The following CCDC171 variants were observed in gnomAD, a reference collection of about 807,000 sequenced individuals.
CCDC171 encodes coiled-coil domain-containing protein 171.
Under a neutral mutation model 168.2 loss-of-function variants are expected in CCDC171, and 177 were observed. That is an observed-to-expected ratio of 1.05 (90% CI 0.93 to 1.19). CCDC171 has a LOEUF of 1.19. Among genes scored for constraint, CCDC171 ranks in the 50% most tolerant of loss-of-function variants. The probability of loss-of-function intolerance (pLI) is 0.00; values close to 1 mark genes in which losing one functional copy is unlikely to be tolerated. For missense variants in CCDC171, 1,991 were observed against 1,539.0 expected (o/e 1.29, Z -4.91); for synonymous variants, 687 against 540.8 (o/e 1.27, Z -3.75).
intron 16 of CCDC171, among the ~76,000 whole-genome samples, chr9:15,733,914 T>C (rs757964551): frequency 2.0e-5 from 3 of 152,108 alleles, no homozygotes; most frequent in African/African-American, 4.8e-5. Context: ...ACTGTAGGCA[T>C]GCACTACCAT....
Position 15,869,403 on chromosome 9 carries a change from T to G in CCDC171, c.3469-5129T>G, listed in dbSNP as rs369911678. Among the ~76,000 whole-genome samples the G allele has an allele frequency of 2.6e-5, 4 of 152,060 alleles. No homozygotes were observed. In the South Asian group the frequency reaches 6.2e-4, roughly 24 times the overall value. On this transcript the variant is annotated intron_variant, in intron 23 of 25. Coordinates refer to ENST00000380701, the MANE Select transcript of CCDC171 (RefSeq NM_173550.4). ...TGGGTACATATCAGAGTCTTGGAAC[T>G]GTCTAATTTTTTTTAAATTATTTTT...
chr9:15,556,490 GTGA>G lies in CCDC171; in HGVS notation c.-112+3195_-112+3197del, dbSNP rs1031676428. 5.9e-4 allele frequency among the ~76,000 whole-genome samples: 90 copies of G among 152,270 alleles called. 1 individual carries two copies. The highest frequency in any genetic ancestry group is 1.8e-3 in the Admixed American group (27 of 15,284). The stretch of plus-strand genomic sequence containing the variant: ...TTGATTTGCATTTCTCTGATGGCCA[GTGA>G]TGATGAGTATTTTTTCATGTGTCTG... On this transcript the variant is annotated intron_variant, in intron 1 of 25. Transcript: ENST00000380701.
intron 3 of CCDC171, chr9:16,020,439 C>G (rs939124250): frequency 1.3e-5 from 2 of 152,776 alleles, no homozygotes; most frequent in East Asian, 3.9e-4. Context: ...TTTACAATTT[C>G]ATGAAGAAAT....
At chr9:15,992,246 T>C (rs1490532568) in intron 3 of CCDC171, among the ~76,000 whole-genome samples, 1 of 152,194 alleles carries the variant, frequency 6.6e-6, no homozygotes, top group East Asian at 1.9e-4. Flanking sequence ...CCAAGTGGGC[T>C]TCATCCCTGG....
At chr9:16,042,009 A>G (rs1047772076), upstream of CCDC171, among the ~76,000 whole-genome samples, 1 of 152,206 alleles carries the variant, frequency 6.6e-6, no homozygotes, top group Non-Finnish European at 1.5e-5. Flanking sequence ...TTCAATCTTC[A>G]TTTTAGTTTT....
chr9:16,031,914 G>T (rs911411604), intron 6 of CCDC171, among the ~76,000 whole-genome samples: 3 of 152,204 alleles, frequency 2.0e-5, no homozygotes, highest in Non-Finnish European at 2.9e-5. Flanking sequence ...CCAGAGCAGG[G>T]CAGAGACTGA....
At position 15,743,422 on chromosome 9, in the gene CCDC171, T is replaced by C. The variant is rs138935429; in HGVS notation, c.2050-851T>C. Among the ~76,000 whole-genome samples, 1,005 of 152,254 alleles carry C rather than the reference T, an allele frequency of 6.6e-3. 19 individuals are homozygous for C. Among genetic ancestry groups the C allele is most frequent in the African/African-American group, 0.023 (948 of 41,530 alleles). On this transcript the variant is annotated intron_variant, in intron 16 of 25. Coordinates refer to ENST00000380701, the MANE Select transcript of CCDC171 (RefSeq NM_173550.4). ...CTTGAGCTCAAGCAATCCTCTTGCC[T>C]CAGCCTCCCAAACACTGGGATTACA...
Position 15,972,173 on chromosome 9 carries a change from C to G in CCDC171, c.*337C>G, listed in dbSNP as rs140552101. 8 of 256,254 alleles carry G rather than the reference C, an allele frequency of 3.1e-5. No individual in the cohort carries two copies. Among genetic ancestry groups the G allele is most frequent in the African/African-American group, 1.6e-4 (7 of 43,994 alleles). The allele number at this position is 256,254 out of a possible 1,614,324, so 15.9% of individuals were successfully genotyped here. ...TCTATCAAAGTTGTTTCATACTTGT[C>G]TATTTTAAAGCAGGACTGCAATGCT... On this transcript the variant is annotated 3_prime_UTR_variant, in exon 26 of 26. Transcript: ENST00000380701.
At chr9:15,859,289 A>AGG (rs2061462127) in intron 23 of CCDC171, among the ~76,000 whole-genome samples, 1 of 151,942 alleles carries the variant, frequency 6.6e-6, no homozygotes, top group Non-Finnish European at 1.5e-5. Context: ...TTCAGTTGCT[A>AGG]ATATTTTGTT....
intron 10 of CCDC171, among the ~76,000 whole-genome samples, chr9:15,690,961 T>C (rs1330195686): frequency 6.6e-6 from 1 of 152,192 alleles, no homozygotes; most frequent in African/African-American, 2.4e-5. Flanking sequence ...TGGATAGATA[T>C]TGGCAAATGG....
chr9:15,627,088 T>C (rs2045204247), intron 7 of CCDC171, among the ~76,000 whole-genome samples: 1 of 152,250 alleles, frequency 6.6e-6, no homozygotes, highest in Admixed American at 6.5e-5. Flanking sequence ...TTCTAGATTT[T>C]CTAGTTTATT....
At chr9:15,725,090 A>C (rs1449751445) in intron 14 of CCDC171, 114 bp downstream of exon 14, 2 of 741,708 alleles carry the variant, frequency 2.7e-6, no homozygotes, top group Non-Finnish European at 2.2e-6. Context: ...TGAGCAGAGT[A>C]TTTTGAAATG....
intron 10 of CCDC171, among the ~76,000 whole-genome samples, chr9:15,681,724 C>A (rs557752631): frequency 1.2e-4 from 19 of 152,026 alleles, no homozygotes; most frequent in African/African-American, 4.6e-4. Flanking sequence ...ATGTTTCTCC[C>A]AAATTAAAAT....
the CCDC171 span, among the ~76,000 whole-genome samples, chr9:16,097,362 T>C: frequency 6.6e-6 from 1 of 152,184 alleles, no homozygotes; most frequent in Admixed American, 6.5e-5. Context: ...AAAGCTAAAT[T>C]ACATCCCATA....
chr9:15,613,304 C>G (rs918470322), intron 6 of CCDC171, among the ~76,000 whole-genome samples: 37 of 152,032 alleles, frequency 2.4e-4, no homozygotes, highest in African/African-American at 8.5e-4. Context: ...GGAATTGTGA[C>G]TTTAAGTGAA....
intron 21 of CCDC171, among the ~76,000 whole-genome samples, chr9:15,836,582 A>C (rs1451185876): frequency 6.6e-6 from 1 of 152,060 alleles, no homozygotes; most frequent in Non-Finnish European, 1.5e-5. Flanking sequence ...CGATCTCCTG[A>C]CCTCGTGATC....
intron 25 of CCDC171, 98 bp downstream of exon 25, chr9:15,920,520 A>G (rs1362531615): frequency 4.7e-6 from 4 of 849,558 alleles, no homozygotes; most frequent in East Asian, 2.7e-5. Context: ...GCCAATATAT[A>G]TAATTTAGGG....
At chr9:15,574,126 A>G (rs2040445829) in intron 3 of CCDC171, among the ~76,000 whole-genome samples, 1 of 150,962 alleles carries the variant, frequency 6.6e-6, no homozygotes. Flanking sequence ...TTTTTCAATT[A>G]TTTCTTTTCT....
intron 10 of CCDC171, 89 bp from the exon 11 acceptor site, chr9:15,695,146 G>A (rs1588007020): frequency 2.6e-6 from 2 of 783,030 alleles, no homozygotes; most frequent in East Asian, 2.5e-5. Flanking sequence ...TCATTATCTT[G>A]TTTATACTTG....
Sources: gnomAD v4.1 joint callset for allele counts (sites outside exome capture counted in the v4.1 genomes callset) on GRCh38, gnomAD v4.1.1 for gene constraint, MANE v1.5 for transcripts, NCBI Gene and HGNC (gene_info 2026-07-23, HGNC 2026-07-21) for gene names.